The following KCNIP4 variants were observed in gnomAD, a reference collection of about 807,000 sequenced individuals.
KCNIP4 encodes potassium voltage-gated channel interacting protein 4, also known as Kv channel-interacting protein 4.
A neutral mutation model predicts 34.0 loss-of-function variants in KCNIP4; 12 were observed. The observed-to-expected ratio is 0.35, with a 90% CI of 0.23 to 0.57. KCNIP4 has a LOEUF of 0.57. KCNIP4 is among the 20% of genes least tolerant of loss of function. The pLI is 0.83. For missense variants in KCNIP4, 238 were observed against 311.7 expected, an observed-to-expected ratio of 0.76 and a Z score of 1.78; for synonymous variants, 124 against 102.2, an observed-to-expected ratio of 1.21 and a Z score of -1.29.
At chr4:20,856,217 A>G (rs1277817262) in intron 2 of KCNIP4, among the ~76,000 whole-genome samples, 1 of 152,208 alleles carries the variant, frequency 6.6e-6, no homozygotes, top group Non-Finnish European at 1.5e-5. Flanking sequence ...CCTCATGTAA[A>G]TAGATAATAT....
intron 1 of KCNIP4, among the ~76,000 whole-genome samples, chr4:20,905,930 G>T (rs571877936): frequency 6.2e-4 from 95 of 152,006 alleles, no homozygotes; most frequent in Non-Finnish European, 1.1e-3. Flanking sequence ...AAATATAGTC[G>T]CATTCTGAGG....
intron 1 of KCNIP4, among the ~76,000 whole-genome samples, chr4:21,313,465 C>T (rs190216151): frequency 6.6e-6 from 1 of 152,310 alleles, no homozygotes; most frequent in East Asian, 1.9e-4. Flanking sequence ...TAATTACTAA[C>T]AATTCTAACT....
At chr4:20,742,139 G>C (rs960666339) in intron 5 of KCNIP4, among the ~76,000 whole-genome samples, 1 of 152,102 alleles carries the variant, frequency 6.6e-6, no homozygotes, top group Non-Finnish European at 1.5e-5. Flanking sequence ...TCTACCAGAG[G>C]TACAAAGAGG....
intron 1 of KCNIP4, among the ~76,000 whole-genome samples, chr4:21,479,629 A>G (rs1222185004): frequency 6.6e-6 from 1 of 152,198 alleles, no homozygotes; most frequent in Non-Finnish European, 1.5e-5. Context: ...TTGTCATACA[A>G]AACAAAAATC....
At chr4:21,642,365 G>A (rs1431661092) in intron 1 of KCNIP4, among the ~76,000 whole-genome samples, 1 of 152,008 alleles carries the variant, frequency 6.6e-6, no homozygotes, top group Non-Finnish European at 1.5e-5. Context: ...TCCTGTTGCT[G>A]CTGGTTTGAC....
At chr4:21,006,860 T>A (rs1026852344) in intron 1 of KCNIP4, among the ~76,000 whole-genome samples, 2 of 152,126 alleles carry the variant, frequency 1.3e-5, no homozygotes, top group Admixed American at 1.3e-4. Flanking sequence ...GAATGGGGCA[T>A]GACAGGGGAT....
At chr4:21,568,244 A>G (rs190243501) in intron 1 of KCNIP4, among the ~76,000 whole-genome samples, 1 of 152,274 alleles carries the variant, frequency 6.6e-6, no homozygotes, top group Admixed American at 6.5e-5. Context: ...TGAAAATAAG[A>G]TCATTGCAAA....
chr4:21,328,163 T>C (rs1317210993), intron 1 of KCNIP4, among the ~76,000 whole-genome samples: 1 of 152,112 alleles, frequency 6.6e-6, no homozygotes. Context: ...TTTATTGTAG[T>C]CTTTGTGGTT....
intron 1 of KCNIP4, among the ~76,000 whole-genome samples, chr4:20,907,553 G>GT (rs1224512143): frequency 1.3e-5 from 2 of 152,036 alleles, no homozygotes; most frequent in East Asian, 3.8e-4. Flanking sequence ...AACAGACATA[G>GT]TTTTTTTGAG....
chr4:21,540,732 T>A (rs1233094490), intron 1 of KCNIP4, among the ~76,000 whole-genome samples: 2 of 152,190 alleles, frequency 1.3e-5, no homozygotes, highest in Admixed American at 6.5e-5. Flanking sequence ...ATCTAACTTA[T>A]AAAGAATACA....
chr4:21,592,408 C>T (rs1188482187), intron 1 of KCNIP4, among the ~76,000 whole-genome samples: 1 of 151,948 alleles, frequency 6.6e-6, no homozygotes, highest in African/African-American at 2.4e-5. Context: ...ATTGACTTAC[C>T]TTTTAATTTC....
intron 1 of KCNIP4, among the ~76,000 whole-genome samples, chr4:21,896,433 G>A (rs756801152): frequency 2.6e-5 from 4 of 152,148 alleles, no homozygotes; most frequent in African/African-American, 4.8e-5. Flanking sequence ...TGTTTGCAAC[G>A]AAGCTGGGGT....
intron 1 of KCNIP4, among the ~76,000 whole-genome samples, chr4:20,904,694 G>A (rs1190951278): frequency 1.3e-5 from 2 of 152,050 alleles, no homozygotes; most frequent in Non-Finnish European, 2.9e-5. Flanking sequence ...CTGACACCCT[G>A]ATTAGAAAAT....
At chr4:21,174,049 A>C (rs1754214147) in intron 1 of KCNIP4, among the ~76,000 whole-genome samples, 1 of 152,130 alleles carries the variant, frequency 6.6e-6, no homozygotes, top group Non-Finnish European at 1.5e-5. Flanking sequence ...TGCTCACGTG[A>C]TCTGTCCCAG....
At chr4:21,388,488 T>C (rs1722244295) in intron 1 of KCNIP4, among the ~76,000 whole-genome samples, 1 of 152,102 alleles carries the variant, frequency 6.6e-6, no homozygotes, top group Non-Finnish European at 1.5e-5. Flanking sequence ...TTTATCTTTT[T>C]ATAACAGTTT....
chr4:21,013,074 A>G (rs949440145), intron 1 of KCNIP4, among the ~76,000 whole-genome samples: 21 of 152,170 alleles, frequency 1.4e-4, no homozygotes, highest in Non-Finnish European at 3.1e-4. Context: ...TGAATGCTTG[A>G]AGTCTTTTAA....
rs114399653 is a variant in KCNIP4 at position 21,490,351 on chromosome 4, T to C, written c.61+458220A>G. ...GAGAAATCACCTAGTGTGACATATT[T>C]ACTTACTTTCATGGAGCACATAAAT... On this transcript the variant is annotated intron_variant, in intron 1 of 8. Coordinates refer to ENST00000382152, the MANE Select transcript of KCNIP4 (RefSeq NM_025221.6). Among the ~76,000 whole-genome samples the C allele has an allele frequency of 7.8e-3, 1,188 of 152,226 alleles. 17 individuals carry two copies. The highest frequency in any genetic ancestry group is 0.026 in the African/African-American group (1,097 of 41,556).
chr4:21,248,422 G>A (rs1760450226), intron 1 of KCNIP4, among the ~76,000 whole-genome samples: 2 of 152,064 alleles, frequency 1.3e-5, no homozygotes, highest in South Asian at 4.1e-4. Context: ...TTCCCCTTGG[G>A]AATCTTCGCA....
chr4:20,757,450 C>T (rs1358018330), intron 4 of KCNIP4, among the ~76,000 whole-genome samples: 1 of 152,102 alleles, frequency 6.6e-6, no homozygotes, highest in African/African-American at 2.4e-5. Flanking sequence ...AGTGGCTTTG[C>T]ATCACCTCAA....
Sources: allele counts gnomAD v4.1 joint callset (sites outside exome capture counted in the v4.1 genomes callset), GRCh38; gene constraint gnomAD v4.1.1; transcripts MANE v1.5; gene names NCBI Gene and HGNC (gene_info 2026-07-23, HGNC 2026-07-21).